The following AGTR1 variants were observed in gnomAD, a reference collection of about 807,000 sequenced individuals.
The protein encoded by AGTR1 is angiotensin II receptor type 1, also known as type-1 angiotensin II receptor.
In AGTR1, 16 loss-of-function variants were observed where a neutral mutation model predicts 19.4. That is an observed-to-expected ratio of 0.82 (90% CI 0.56 to 1.25). The LOEUF is 1.25. AGTR1 is among the 50% of genes most tolerant of loss of function. AGTR1 has a pLI of 0.00. For synonymous variants in AGTR1, 153 were observed against 154.9 expected, an observed-to-expected ratio of 0.99 and a Z score of 0.09; for missense variants, 373 against 431.9, an observed-to-expected ratio of 0.86 and a Z score of 1.21.
chr3:148,720,473 C>T (rs1220025859), intron 2 of AGTR1, among the ~76,000 whole-genome samples: 3 of 152,114 alleles, frequency 2.0e-5, no homozygotes, highest in Non-Finnish European at 4.4e-5. Context: ...AAACTTTTAA[C>T]ATCTAGTTTC....
chr3:148,719,092 A>T (rs910840473), intron 2 of AGTR1, among the ~76,000 whole-genome samples: 2 of 152,212 alleles, frequency 1.3e-5, no homozygotes, highest in Admixed American at 1.3e-4. Flanking sequence ...AAATCTTAAA[A>T]CATGCAATTA....
chr3:148,731,400 G>T (rs894349587), intron 2 of AGTR1: 16 of 152,128 alleles, frequency 1.1e-4, no homozygotes, highest in African/African-American at 3.6e-4. Flanking sequence ...TTCTTTCAGG[G>T]TTAATCAAGT....
intron 2 of AGTR1, among the ~76,000 whole-genome samples, chr3:148,718,368 C>G (rs760258785): frequency 5.3e-5 from 8 of 152,240 alleles, no homozygotes; most frequent in Non-Finnish European, 1.2e-4. Context: ...GCTGCATATG[C>G]TAGGGAAAGG....
intron 2 of AGTR1, among the ~76,000 whole-genome samples, chr3:148,709,170 G>A (rs1322852593): frequency 1.9e-5 from 1 of 52,502 alleles, no homozygotes; most frequent in Non-Finnish European, 3.3e-5. Context: ...AATCTGGACT[G>A]TGCAGATTTT....
rs112400962 is a variant in AGTR1, at chr3:148,726,586, G to C, written c.-47-14403G>C. Among the ~76,000 whole-genome samples, 743 of 152,296 alleles carry C rather than the reference G, an allele frequency of 4.9e-3. 4 individuals are homozygous for C. The highest frequency in any genetic ancestry group is 0.017 in the African/African-American group (719 of 41,562). The stretch of plus-strand genomic sequence containing the variant: ...CATTGCCTTTGGTTTTGTGTGTTAA[G>C]ATTCAGCATCAGCATTCATGATATC... On this transcript the variant is annotated intron_variant, in intron 2 of 2. Transcript: ENST00000349243.
chr3:148,741,329 T>C lies in AGTR1; in HGVS notation c.294T>C (p.Asn98=). The C allele has an allele frequency of 6.2e-7, 1 of 1,609,404 alleles. No homozygotes were observed. The highest frequency in any genetic ancestry group is 8.5e-7 in the Non-Finnish European group (1 of 1,179,940). ...TGGAATACCGCTGGCCCTTTGGCAATTACCTATGTAAGATTGCTTCAGCCA... is the reference window on the plus strand; with the variant it reads ...TGGAATACCGCTGGCCCTTTGGCAACTACCTATGTAAGATTGCTTCAGCCA... The part of the protein sequence containing the change: ...TAMEYRWPFG[N]YLCKIASASV... Residue 98 remains asparagine (N), a synonymous_variant, in exon 3 of 3, where the codon AAT becomes AAC. Coordinates refer to ENST00000349243, the MANE Select transcript of AGTR1 (RefSeq NM_000685.5).
chr3:148,713,521 T>C (rs1713120104), intron 2 of AGTR1, among the ~76,000 whole-genome samples: 1 of 152,132 alleles, frequency 6.6e-6, no homozygotes, highest in Non-Finnish European at 1.5e-5. Flanking sequence ...AATAATCAGA[T>C]GCCGAGGACC....
At chr3:148,699,290 T>G (rs1712180562) in intron 1 of AGTR1, among the ~76,000 whole-genome samples, 1 of 151,966 alleles carries the variant, frequency 6.6e-6, no homozygotes, top group Non-Finnish European at 1.5e-5. Context: ...GATTCTCTTA[T>G]TATTAGTTAC....
chr3:148,713,612 T>C (rs905644260), intron 2 of AGTR1, among the ~76,000 whole-genome samples: 1 of 152,126 alleles, frequency 6.6e-6, no homozygotes, highest in African/African-American at 2.4e-5. Context: ...ATTTGATCAA[T>C]TGAGTATTCC....
chr3:148,705,433 C>T (rs548629033), intron 1 of AGTR1, among the ~76,000 whole-genome samples: 1 of 118,250 alleles, frequency 8.5e-6, no homozygotes, highest in Admixed American at 7.9e-5. Flanking sequence ...CTTTAATAAT[C>T]TAACTCTCCC....
intron 2 of AGTR1, among the ~76,000 whole-genome samples, chr3:148,737,986 A>T (rs1714663380): frequency 6.6e-6 from 1 of 152,210 alleles, no homozygotes; most frequent in African/African-American, 2.4e-5. Flanking sequence ...AAGGAGTTGG[A>T]GTACAAAACT....
chr3:148,706,863 G>A (rs12695875), intron 1 of AGTR1, among the ~76,000 whole-genome samples: 2,794 of 151,956 alleles, frequency 0.018, 59 homozygotes, highest in African/African-American at 0.062. Flanking sequence ...ATTATAAATT[G>A]GTATAACCTT....
rs1170445047 is a variant in AGTR1, at chr3:148,742,907, ATATATG to A, written c.*804_*809del. On this transcript the variant is annotated 3_prime_UTR_variant, in exon 3 of 3. Coordinates refer to ENST00000349243, the MANE Select transcript of AGTR1 (RefSeq NM_000685.5). The stretch of plus-strand genomic sequence containing the variant: ...TTTAAAAAAAGTATATATTCTACAC[ATATATG>A]TATATGTATATCTATATCTCTAAAC... The A allele has an allele frequency of 4.2e-5, 7 of 164,990 alleles. No individual in the cohort carries two copies. The East Asian group carries it at 1.0e-3, about 23-fold the overall frequency. The allele number at this position is 164,990 out of a possible 1,614,324, so 10.2% of individuals were successfully genotyped here. A position where few individuals can be genotyped will look rare whatever the true frequency, so the allele number is the denominator to read the frequency against.
chr3:148,728,042 A>G (rs1488347669), intron 2 of AGTR1, among the ~76,000 whole-genome samples: 3 of 152,174 alleles, frequency 2.0e-5, no homozygotes, highest in Admixed American at 2.0e-4. Flanking sequence ...GGGAAAATCA[A>G]AAATGTCTCG....
In AGTR1 at chr3:148,741,938, T is replaced by C; in HGVS notation, c.903T>C (p.Phe301=). 6.2e-7 allele frequency: 1 copy of C among 1,614,150 alleles called. No homozygotes were observed. Among genetic ancestry groups the C allele is most frequent in the Non-Finnish European group, 8.5e-7 (1 of 1,180,040 alleles). The change falls in exon 3 of 3, where the codon TTT becomes TTC. Residue 301 remains phenylalanine, a synonymous_variant. Transcript: ENST00000349243. ...AYFNNCLNPL[F]YGFLGKKFKR... ...TTAACAATTGCCTGAATCCTCTTTT[T>C]TATGGCTTTCTGGGGAAAAAATTTA...
intron 1 of AGTR1, among the ~76,000 whole-genome samples, chr3:148,705,994 C>T (rs1218386424): frequency 6.6e-6 from 1 of 151,910 alleles, no homozygotes; most frequent in African/African-American, 2.4e-5. Flanking sequence ...CAATATACAA[C>T]AAATCTTAAG....
chr3:148,700,087 G>C (rs1472302955), intron 1 of AGTR1, among the ~76,000 whole-genome samples: 3 of 152,130 alleles, frequency 2.0e-5, no homozygotes, highest in African/African-American at 7.2e-5. Flanking sequence ...ATTCAGAAAA[G>C]GGCAGATTTG....
At chr3:148,727,265 G>A (rs1346472902) in intron 2 of AGTR1, among the ~76,000 whole-genome samples, 1 of 152,074 alleles carries the variant, frequency 6.6e-6, no homozygotes, top group Non-Finnish European at 1.5e-5. Flanking sequence ...CTCTCCACTT[G>A]GTTTCTAATG....
chr3:148,711,114 C>G (rs985629561), intron 2 of AGTR1, among the ~76,000 whole-genome samples: 1 of 152,174 alleles, frequency 6.6e-6, no homozygotes, highest in African/African-American at 2.4e-5. Context: ...TAGACCAACA[C>G]AGTCACGGAT....
Sources: allele counts gnomAD v4.1 joint callset (sites outside exome capture counted in the v4.1 genomes callset), GRCh38; gene constraint gnomAD v4.1.1; transcripts MANE v1.5; gene names NCBI Gene and HGNC (gene_info 2026-07-23, HGNC 2026-07-21).